The following KCNQ1 variants were observed in gnomAD, a reference collection of about 807,000 sequenced individuals.
KCNQ1 encodes the protein potassium voltage-gated channel subfamily KQT member 1.
Under a neutral mutation model 72.4 loss-of-function variants are expected in KCNQ1, and 49 were observed. The observed-to-expected ratio is 0.68, with a 90% CI of 0.54 to 0.86. KCNQ1 has a LOEUF of 0.86. KCNQ1 is among the 40% of genes least tolerant of loss of function. The probability of loss-of-function intolerance (pLI) is 0.00; values close to 1 mark genes in which losing one functional copy is unlikely to be tolerated. For synonymous variants in KCNQ1, 450 were observed against 412.6 expected (o/e 1.09, Z -1.10); for missense variants, 790 against 945.1 (o/e 0.84, Z 2.15).
intron 15 of KCNQ1, among the ~76,000 whole-genome samples, chr11:2,829,033 A>C (rs1439955975): frequency 6.6e-6 from 1 of 152,270 alleles, no homozygotes; most frequent in South Asian, 2.1e-4. Context: ...TCAAACTCTC[A>C]GGTATGAGAA....
rs528804707 is a variant in KCNQ1 at position 2,767,034 on chromosome 11, G to A, written c.1515-1810G>A. ...TCTACTAAAAATACAAAAATTAGCT[G>A]GGCATGGTGGTGTGCACCTGCTACT... On this transcript the variant is annotated intron_variant, in intron 11 of 15. Transcript: ENST00000155840. This position sits in a 1 kb window ranked among gnomAD's most constrained non-coding sequence, Gnocchi z 4.6. 6.6e-6 allele frequency among the ~76,000 whole-genome samples: 1 copy of A among 152,154 alleles called. No homozygotes were observed. Among genetic ancestry groups the A allele is most frequent in the Non-Finnish European group, 1.5e-5 (1 of 68,032 alleles).
chr11:2,514,690 G>T (rs1007179781), intron 1 of KCNQ1, among the ~76,000 whole-genome samples: 1 of 152,232 alleles, frequency 6.6e-6, no homozygotes, highest in Non-Finnish European at 1.5e-5. Context: ...GCCCGGCGTG[G>T]TGGCGGGCGC....
Position 2,451,432 on chromosome 11 carries a change from G to A in KCNQ1, c.386+5948G>A, listed in dbSNP as rs1589887466. Among the ~76,000 whole-genome samples the A allele has an allele frequency of 1.3e-5, 2 of 152,198 alleles. No homozygotes were observed. Among genetic ancestry groups the A allele is most frequent in the African/African-American group, 2.4e-5 (1 of 41,442 alleles). On this transcript the variant is annotated intron_variant, in intron 1 of 15. Coordinates refer to ENST00000155840, the MANE Select transcript of KCNQ1 (RefSeq NM_000218.3). This position sits in a 1 kb window ranked among gnomAD's most constrained non-coding sequence, Gnocchi z 6.4. ...TGCGGCCTGCTCCCTAACAGGCCAC[G>A]GACCCGGGGTTGGAGAACCCTGTCT...
In KCNQ1 at chr11:2,471,734, ATGTG is replaced by A. The variant is rs36093649; in HGVS notation, c.386+26253_386+26256del. Among the ~76,000 whole-genome samples, 3 of 143,110 alleles carry A rather than the reference ATGTG, an allele frequency of 2.1e-5. No homozygotes were observed. Among genetic ancestry groups the A allele is most frequent in the African/African-American group, 8.3e-5 (3 of 36,052 alleles). The allele number at this position is 143,110 out of a possible 152,430, so 93.9% of individuals were successfully genotyped here. ...TGTGTATGTGTGCATGGGCGTGTGT[ATGTG>A]TGCATGGGCGTGTGTGTACTTGTGT... On this transcript the variant is annotated intron_variant, in intron 1 of 15. Coordinates refer to ENST00000155840, the MANE Select transcript of KCNQ1 (RefSeq NM_000218.3). The surrounding 1 kb of genome is among the most constrained non-coding windows in gnomAD (Gnocchi z 4.8).
chr11:2,575,681 G>A (rs569150468), intron 6 of KCNQ1, among the ~76,000 whole-genome samples: 8 of 152,304 alleles, frequency 5.3e-5, no homozygotes, highest in South Asian at 2.1e-4. Context: ...TCCGTCCGTC[G>A]GGGCTGCCAC....
At chr11:2,504,383 A>G (rs1847065106) in intron 1 of KCNQ1, among the ~76,000 whole-genome samples, 1 of 152,096 alleles carries the variant, frequency 6.6e-6, no homozygotes, top group Non-Finnish European at 1.5e-5. Flanking sequence ...CAAAAAAAAA[A>G]TAGAAAAATG....
At chr11:2,790,666 G>C (rs1023696766) in intron 15 of KCNQ1, among the ~76,000 whole-genome samples, 1 of 152,192 alleles carries the variant, frequency 6.6e-6, no homozygotes, top group African/African-American at 2.4e-5. Flanking sequence ...GGCTCTCAGC[G>C]CCTCAGCCTC....
chr11:2,774,157 C>T (rs1487973057), intron 12 of KCNQ1, among the ~76,000 whole-genome samples: 2 of 152,258 alleles, frequency 1.3e-5, no homozygotes, highest in African/African-American at 4.8e-5. Context: ...AGCATTTTAT[C>T]TTACAGAAGA....
At chr11:2,448,150 C>A (rs1424818400) in intron 1 of KCNQ1, among the ~76,000 whole-genome samples, 6 of 152,218 alleles carry the variant, frequency 3.9e-5, no homozygotes, top group African/African-American at 1.2e-4. Flanking sequence ...TTGCTGTGAG[C>A]CTTAGCCAGG....
In KCNQ1 at chr11:2,544,250, A is replaced by ATATATGTGTATATATG. The variant is rs1564811883; in HGVS notation, c.477+16237_477+16238insGTGTATATATGTATAT. Among the ~76,000 whole-genome samples, 1 of 49,280 alleles carries ATATATGTGTATATATG rather than the reference A, an allele frequency of 2.0e-5. No individual in the cohort carries two copies. The highest frequency in any genetic ancestry group is 9.5e-5 in the African/African-American group (1 of 10,574). 32.3% of individuals were successfully genotyped at this position (49,280 alleles called of 152,430 possible). ...CATATATATATATGTGTGTGTGTGTATATATATATGTGTGTGTGTGTATAT... is the reference window on the plus strand; with the variant it reads ...CATATATATATATGTGTGTGTGTGTATATATGTGTATATATGTATATATATGTGTGTGTGTGTATAT... On this transcript the variant is annotated intron_variant, in intron 2 of 15. Transcript: ENST00000155840. This position sits in a 1 kb window ranked among gnomAD's most constrained non-coding sequence, Gnocchi z 4.4.
At chr11:2,638,646 A>G (rs1475452694) in intron 10 of KCNQ1, 3 of 152,056 alleles carry the variant, frequency 2.0e-5, no homozygotes, top group African/African-American at 7.2e-5. Context: ...TCTGACAATT[A>G]TGTGTCTTGG....
At position 2,703,596 on chromosome 11, in the gene KCNQ1, G is replaced by T. The variant is rs1017642095; in HGVS notation, c.1514+41515G>T. 7.2e-5 allele frequency among the ~76,000 whole-genome samples: 11 copies of T among 151,974 alleles called. No individual in the cohort carries two copies. The highest frequency in any genetic ancestry group is 2.7e-4 in the African/African-American group (11 of 41,440). ...TTAGAGTGGGGGTGGGGGATTAGGG[G>T]AGGAAGTTGCTGAGCTAATTCTTTT... On this transcript the variant is annotated intron_variant, in intron 11 of 15. Coordinates refer to ENST00000155840, the MANE Select transcript of KCNQ1 (RefSeq NM_000218.3). The surrounding 1 kb of genome is among the most constrained non-coding windows in gnomAD (Gnocchi z 6.4).
chr11:2,697,787 T>C (rs1850703841), intron 11 of KCNQ1: 2 of 398,538 alleles, frequency 5.0e-6, no homozygotes, highest in East Asian at 7.1e-5. Context: ...TACAAGGAAC[T>C]TCTGCATCTA....
Position 2,658,463 on chromosome 11 carries a change from C to T in KCNQ1, c.1394-3498C>T, listed in dbSNP as rs1590011995. The T allele has an allele frequency of 2.5e-6, 1 of 398,414 alleles. No individual in the cohort carries two copies. Among genetic ancestry groups the T allele is most frequent in the Non-Finnish European group, 4.4e-6 (1 of 226,028 alleles). 24.7% of individuals were successfully genotyped at this position (398,414 alleles called of 1,614,324 possible). A position where few individuals can be genotyped will look rare whatever the true frequency, so the allele number is the denominator to read the frequency against. On this transcript the variant is annotated intron_variant, in intron 10 of 15. Transcript: ENST00000155840. This position sits in a 1 kb window ranked among gnomAD's most constrained non-coding sequence, Gnocchi z 4.9. ...GGTTCATGTGTCCTTTTGATGTGCC[C>T]CCCGCCATCCTTTTCATTTATTTTT...
In KCNQ1 at chr11:2,562,399, C is replaced by A. The variant is rs547173469; in HGVS notation, c.478-8229C>A. Among the ~76,000 whole-genome samples, 3 of 152,148 alleles carry A rather than the reference C, an allele frequency of 2.0e-5. No individual in the cohort carries two copies. Among genetic ancestry groups the A allele is most frequent in the Non-Finnish European group, 4.4e-5 (3 of 68,012 alleles). On this transcript the variant is annotated intron_variant, in intron 2 of 15. Coordinates refer to ENST00000155840, the MANE Select transcript of KCNQ1 (RefSeq NM_000218.3). This position sits in a 1 kb window ranked among gnomAD's most constrained non-coding sequence, Gnocchi z 7.5. The stretch of plus-strand genomic sequence containing the variant: ...TGCCCTCCGGCCAGCTGACCCTCCC[C>A]GGAGCCGAGGCTGGCTCTCTCTGTG...
At chr11:2,610,070 A>C (rs1314442498) in intron 10 of KCNQ1, 1 of 397,850 alleles carries the variant, frequency 2.5e-6, no homozygotes, top group East Asian at 3.6e-5. Context: ...TTTTCTATGT[A>C]CTATTTCTTG....
intron 1 of KCNQ1, among the ~76,000 whole-genome samples, chr11:2,466,247 G>C (rs1846350014): frequency 6.6e-6 from 1 of 152,206 alleles, no homozygotes; most frequent in African/African-American, 2.4e-5. Flanking sequence ...GAGGCCCAGA[G>C]TGGAGAAGCG....
At chr11:2,798,050 C>T (rs1847174158) in intron 15 of KCNQ1, among the ~76,000 whole-genome samples, 1 of 152,202 alleles carries the variant, frequency 6.6e-6, no homozygotes, top group Non-Finnish European at 1.5e-5. Flanking sequence ...TCCACAGCGG[C>T]CTTGGGACAA....
At chr11:2,789,847 G>C (rs1846983920) in intron 15 of KCNQ1, among the ~76,000 whole-genome samples, 1 of 152,186 alleles carries the variant, frequency 6.6e-6, no homozygotes, top group African/African-American at 2.4e-5. Context: ...ATGGGAAAGG[G>C]AACCTCAGAA....
Sources: gnomAD v4.1 joint callset for allele counts (sites outside exome capture counted in the v4.1 genomes callset) on GRCh38, gnomAD v4.1.1 for gene constraint, Gnocchi (gnomAD v3.1) non-coding constraint, MANE v1.5 for transcripts, NCBI Gene and HGNC (gene_info 2026-07-23, HGNC 2026-07-21) for gene names.